The following EPHA8 variants were observed in gnomAD, a reference collection of about 807,000 sequenced individuals.
EPHA8 encodes EPH receptor A8, also known as ephrin type-A receptor 8.
Under a neutral mutation model 103.6 loss-of-function variants are expected in EPHA8, and 58 were observed. The ratio of observed to expected loss-of-function variants is 0.56; its 90% CI spans 0.45 to 0.70. EPHA8 has a LOEUF of 0.70. EPHA8 is among the 30% of genes least tolerant of loss of function. The probability of loss-of-function intolerance (pLI) is 0.00; values close to 1 mark genes in which losing one functional copy is unlikely to be tolerated. For synonymous variants in EPHA8, 559 were observed against 572.5 expected (o/e 0.98, Z 0.34); for missense variants, 1,304 against 1,395.2 (o/e 0.93, Z 1.04).
intron 7 of EPHA8, 69 bp downstream of exon 7, chr1:22,593,755 C>T (rs1219175879): frequency 4.1e-6 from 6 of 1,450,620 alleles, no homozygotes; most frequent in African/African-American, 2.8e-5. Context: ...GGGGGGTGGC[C>T]GAGGAGAGAG....
Position 22,589,362 on chromosome 1 carries a change from G to A in EPHA8, c.1315+156G>A, listed in dbSNP as rs112975371. ...TCCTCACCAGGACCCAGAGCTGGAG[G>A]CTCTTCATTGCCTTTAGAAAAGTGG... On this transcript the variant is annotated intron_variant, in intron 5 of 16. Transcript: ENST00000166244. The surrounding 1 kb of genome is among the most constrained non-coding windows in gnomAD (Gnocchi z 4.3). 21 of 1,565,170 alleles carry A rather than the reference G, an allele frequency of 1.3e-5. No individual in the cohort carries two copies. Among genetic ancestry groups the A allele is most frequent in the African/African-American group, 8.2e-5 (6 of 73,158 alleles).
intron 15 of EPHA8, 104 bp downstream of exon 15, chr1:22,601,192 C>T: frequency 2.0e-6 from 3 of 1,527,526 alleles, no homozygotes; most frequent in Non-Finnish European, 2.6e-6. Flanking sequence ...CCAGGCCCAG[C>T]CTGGGCCCCC....
rs141332161 is a variant in EPHA8, at chr1:22,601,285, G to A, written c.2730-15G>A. The A allele has an allele frequency of 8.8e-4, 1,403 of 1,587,426 alleles. 11 individuals are homozygous for A. In the African/African-American group the frequency reaches 0.016, roughly 18 times the overall value. On this transcript the variant is annotated splice_polypyrimidine_tract_variant and intron_variant, in intron 15 of 16. Transcript: ENST00000166244. The stretch of plus-strand genomic sequence containing the variant: ...CGAACCCTCTGGCCACTTACCAAGA[G>A]CCCCTGTGCCTCAGGTGCCCACCCC...
chr1:22,583,596 A>C (rs540852735), intron 3 of EPHA8, among the ~76,000 whole-genome samples: 1 of 152,218 alleles, frequency 6.6e-6, no homozygotes, highest in East Asian at 1.9e-4. Context: ...ACTACATCAA[A>C]TTGTTATAAC....
chr1:22,598,592 A>G lies in EPHA8; in HGVS notation c.2179-246A>G, dbSNP rs568230429. ...CAGAGCTTAACCTCTCTGGGCCTCC[A>G]TCTCTCGTTCCACAAAATGGGTAAG... On this transcript the variant is annotated intron_variant, in intron 12 of 16. Coordinates refer to ENST00000166244, the MANE Select transcript of EPHA8 (RefSeq NM_020526.5). The surrounding 1 kb of genome is among the most constrained non-coding windows in gnomAD (Gnocchi z 5.1). Among the ~76,000 whole-genome samples, 3 of 152,160 alleles carry G rather than the reference A, an allele frequency of 2.0e-5. No individual in the cohort carries two copies. The East Asian group carries it at 5.8e-4, about 30-fold the overall frequency.
In EPHA8 at chr1:22,574,486, G is replaced by A. The variant is rs563249992; in HGVS notation, c.160-1731G>A. On this transcript the variant is annotated intron_variant, in intron 2 of 16. Transcript: ENST00000166244. ...AACAGTAACTGCCCCCTCCCTGCCA[G>A]CCCCTGGCAGCCAGCATTCTACTTT... Among the ~76,000 whole-genome samples the A allele has an allele frequency of 8.1e-4, 123 of 152,298 alleles. 1 individual carries two copies. The highest frequency in any genetic ancestry group is 1.5e-3 in the Non-Finnish European group (105 of 68,038).
rs557614302 is a variant in EPHA8, at chr1:22,589,143, G to A, written c.1252G>A (p.Val418Met). The stretch of plus-strand genomic sequence containing the variant: ...CTTCTGGATCGAGGCCGTCAATGGC[G>A]TGTCCGACCTGAGCCCCGAGCCCCG... ...YSFWIEAVNG[V>M]SDLSPEPRRA... Residue 418 changes from valine to methionine, a missense_variant, in exon 5 of 17, where the codon GTG becomes ATG. Coordinates refer to ENST00000166244, the MANE Select transcript of EPHA8 (RefSeq NM_020526.5). The surrounding 1 kb of genome is among the most constrained non-coding windows in gnomAD (Gnocchi z 4.3). 23 of 1,613,852 alleles carry A rather than the reference G, an allele frequency of 1.4e-5. No individual in the cohort carries two copies. Among genetic ancestry groups the A allele is most frequent in the African/African-American group, 2.7e-5 (2 of 75,056 alleles).
rs370682222 is a variant in EPHA8, at chr1:22,596,142, C to A, written c.1734C>A (p.Asp578Glu). The change falls in exon 9 of 17, where the codon GAC becomes GAA. Residue 578 changes from aspartate to glutamate, a missense_variant. Transcript: ENST00000166244. ...ACAGCAAGGCCTTCCAGGACTCGGA[C>A]GAGGAGAAGATGCACTATCAGAATG... is the stretch of plus-strand genomic sequence containing the variant. Reference protein sequence around the residue: ...CGYSKAFQDSDEEKMHYQNGQ... With the variant: ...CGYSKAFQDSEEEKMHYQNGQ... The A allele has an allele frequency of 6.2e-7, 1 of 1,613,774 alleles. No individual in the cohort carries two copies. The highest frequency in any genetic ancestry group is 1.3e-5 in the African/African-American group (1 of 74,904).
intron 2 of EPHA8, among the ~76,000 whole-genome samples, chr1:22,575,301 T>C (rs1030995811): frequency 1.3e-5 from 2 of 152,200 alleles, no homozygotes; most frequent in Non-Finnish European, 2.9e-5. Context: ...TGAAGTGGTA[T>C]CTCATTGTGG....
rs371731926 is a variant in EPHA8 at position 22,600,097 on chromosome 1, AAGG to A, written c.2389-561_2389-559del. Among the ~76,000 whole-genome samples, 568 of 106,954 alleles carry A rather than the reference AAGG, an allele frequency of 5.3e-3. 3 individuals are homozygous for A. Among genetic ancestry groups the A allele is most frequent in the African/African-American group, 0.02 (518 of 26,516 alleles). 70.2% of individuals were successfully genotyped at this position (106,954 alleles called of 152,430 possible). On this transcript the variant is annotated intron_variant, in intron 13 of 16. Coordinates refer to ENST00000166244, the MANE Select transcript of EPHA8 (RefSeq NM_020526.5). ...GGAGGAAGGAAGGGAGGGAGGGAGGAAGGAGAGAAGGAGGAAGGAAGGAGGGAA... is the reference window on the plus strand; with the variant it reads ...GGAGGAAGGAAGGGAGGGAGGGAGGAAGAGAAGGAGGAAGGAAGGAGGGAA...
At chr1:22,588,468 C>T (rs908916577) in intron 4 of EPHA8, among the ~76,000 whole-genome samples, 2 of 152,194 alleles carry the variant, frequency 1.3e-5, no homozygotes, top group African/African-American at 4.8e-5. Context: ...TGTATCGGAT[C>T]CGGCACAGAA....
chr1:22,579,761 G>A lies in EPHA8; in HGVS notation c.823+2881G>A, dbSNP rs116395775. Among the ~76,000 whole-genome samples the A allele has an allele frequency of 2.3e-3, 355 of 152,278 alleles. 2 individuals are homozygous for A. Among genetic ancestry groups the A allele is most frequent in the African/African-American group, 7.5e-3 (311 of 41,554 alleles). The stretch of plus-strand genomic sequence containing the variant: ...AAAGGGAGGAGGATGTTTATATGCA[G>A]GGATCAGAGAGACAAGAGCCTGTCC... On this transcript the variant is annotated intron_variant, in intron 3 of 16. Coordinates refer to ENST00000166244, the MANE Select transcript of EPHA8 (RefSeq NM_020526.5).
At chr1:22,590,864 C>T (rs1338974247) in intron 5 of EPHA8, among the ~76,000 whole-genome samples, 1 of 152,176 alleles carries the variant, frequency 6.6e-6, no homozygotes, top group African/African-American at 2.4e-5. Flanking sequence ...ACAAACAACC[C>T]TGCCACACCT....
intron 3 of EPHA8, among the ~76,000 whole-genome samples, chr1:22,578,226 ATG>A (rs760985251): frequency 0.011 from 985 of 91,104 alleles, 8 homozygotes; most frequent in East Asian, 0.045. Context: ...GTGAGTGTGC[ATG>A]TGTGTATGTG....
chr1:22,568,675 C>T (rs1640439658), intron 1 of EPHA8, among the ~76,000 whole-genome samples: 1 of 152,236 alleles, frequency 6.6e-6, no homozygotes, highest in Non-Finnish European at 1.5e-5. Flanking sequence ...CCGCTAAGCC[C>T]CTCCACACCA....
intron 2 of EPHA8, among the ~76,000 whole-genome samples, chr1:22,574,715 G>A (rs529215946): frequency 1.3e-5 from 2 of 152,250 alleles, no homozygotes; most frequent in South Asian, 2.1e-4. Flanking sequence ...TTCCTTCTAC[G>A]TTGTGGCTGT....
Position 22,601,182 on chromosome 1 carries a change from C to G in EPHA8, c.2729+94C>G, listed in dbSNP as rs551565432. On this transcript the variant is annotated intron_variant, in intron 15 of 16. Transcript: ENST00000166244. ...GGACAGTTTGGCCCTGACACTAGGACCAGGCCCAGCCTGGGCCCCCGGCCC... is the reference window on the plus strand; with the variant it reads ...GGACAGTTTGGCCCTGACACTAGGAGCAGGCCCAGCCTGGGCCCCCGGCCC... The G allele has an allele frequency of 2.6e-6, 4 of 1,525,950 alleles. No homozygotes were observed. In the South Asian group the frequency reaches 5.2e-5, roughly 20 times the overall value. 94.5% of individuals were successfully genotyped at this position (1,525,950 alleles called of 1,614,324 possible). A position where few individuals can be genotyped will look rare whatever the true frequency, so the allele number is the denominator to read the frequency against.
rs1193902003 is a variant in EPHA8, at chr1:22,598,646, G to A, written c.2179-192G>A. Among the ~76,000 whole-genome samples the A allele has an allele frequency of 2.0e-5, 3 of 152,216 alleles. No homozygotes were observed. Among genetic ancestry groups the A allele is most frequent in the Non-Finnish European group, 2.9e-5 (2 of 68,042 alleles). On this transcript the variant is annotated intron_variant, in intron 12 of 16. Coordinates refer to ENST00000166244, the MANE Select transcript of EPHA8 (RefSeq NM_020526.5). The surrounding 1 kb of genome is among the most constrained non-coding windows in gnomAD (Gnocchi z 5.1). Reference sequence around the variant, plus strand: ...TCATTGCTGCCCCACGTACCTCGCAGGGTTGCTGTGAGGGTAAATGAGACC... The same window carrying A: ...TCATTGCTGCCCCACGTACCTCGCAAGGTTGCTGTGAGGGTAAATGAGACC...
At chr1:22,588,135 A>G (rs569037192) in intron 4 of EPHA8, among the ~76,000 whole-genome samples, 55 of 152,326 alleles carry the variant, frequency 3.6e-4, no homozygotes, top group South Asian at 6.2e-4. Flanking sequence ...TCTGATTCCA[A>G]GATCTTACAA....
Sources: gnomAD v4.1 joint callset for allele counts (sites outside exome capture counted in the v4.1 genomes callset) on GRCh38, gnomAD v4.1.1 for gene constraint, Gnocchi (gnomAD v3.1) non-coding constraint, MANE v1.5 for transcripts, NCBI Gene and HGNC (gene_info 2026-07-23, HGNC 2026-07-21) for gene names.